LRRC41: variants seen among roughly 807,000 people sequenced by gnomAD.
LRRC41 encodes leucine-rich repeat-containing protein 41.
In LRRC41, 17 loss-of-function variants were observed where a neutral mutation model predicts 72.1. The ratio of observed to expected loss-of-function variants is 0.24; its 90% CI spans 0.16 to 0.35. The LOEUF is 0.35. Among genes scored for constraint, LRRC41 ranks in the 10% least tolerant of loss-of-function variants. The pLI is 1.00. For synonymous variants in LRRC41, 427 were observed against 431.0 expected, an observed-to-expected ratio of 0.99 and a Z score of 0.11; for missense variants, 759 against 1,065.0, an observed-to-expected ratio of 0.71 and a Z score of 4.00.
At chr1:46,301,170 A>G (rs1661214457) in intron 1 of LRRC41, among the ~76,000 whole-genome samples, 1 of 151,978 alleles carries the variant, frequency 6.6e-6, no homozygotes. Context: ...AGGAATTCTC[A>G]TCCCCAGTTA....
In LRRC41 at chr1:46,302,049, G is replaced by A; in HGVS notation, c.199+1075C>T. 2 of 985,142 alleles carry A rather than the reference G, an allele frequency of 2.0e-6. No homozygotes were observed. The highest frequency in any genetic ancestry group is 3.5e-5 in the African/African-American group (2 of 57,302). 61.0% of individuals were successfully genotyped at this position (985,142 alleles called of 1,614,324 possible). ...CGTCAGCGGCCAGGCCGCGGCCAGC[G>A]GTCCCCAACCCACAGCCCCGCCTCC... On this transcript the variant is annotated intron_variant, in intron 1 of 9. Transcript: ENST00000617190. The surrounding 1 kb of genome is among the most constrained non-coding windows in gnomAD (Gnocchi z 4.7).
chr1:46,303,290 A>G lies in LRRC41; in HGVS notation c.33T>C (p.Ser11=), dbSNP rs1017499402. 36 of 1,538,028 alleles carry G rather than the reference A, an allele frequency of 2.3e-5. No individual in the cohort carries two copies. In the African/African-American group the frequency reaches 3.8e-4, roughly 16 times the overall value. Residue 11 remains serine, a synonymous_variant, in exon 1 of 10, where the codon AGT becomes AGC. Coordinates refer to ENST00000617190, the MANE Select transcript of LRRC41 (RefSeq NM_006369.5). MAAPEAWRAR[S]CWFCEVAAAT... is the part of the protein sequence containing the mutation. ...CCGCCGCTACCTCACAGAACCAGCA[A>G]CTCCGGGCGCGCCAGGCCTCGGGCG... is the stretch of plus-strand genomic sequence containing the variant.
chr1:46,279,383 A>T lies in LRRC41; in HGVS notation c.2143+109T>A. 1 of 1,587,424 alleles carries T rather than the reference A, an allele frequency of 6.3e-7. No individual in the cohort carries two copies. Among genetic ancestry groups the T allele is most frequent in the Non-Finnish European group, 8.6e-7 (1 of 1,156,126 alleles). On this transcript the variant is annotated intron_variant, in intron 8 of 9. Coordinates refer to ENST00000617190, the MANE Select transcript of LRRC41 (RefSeq NM_006369.5). The surrounding 1 kb of genome is among the most constrained non-coding windows in gnomAD (Gnocchi z 4.5). ...GAAGCCCCAGCACAGAAATATCTGT[A>T]TTCCAACTCCCACGTTCCCAGTGGA...
Position 46,279,666 on chromosome 1 carries a change from G to A in LRRC41, c.2021-52C>T, listed in dbSNP as rs551604709. 3 of 1,609,618 alleles carry A rather than the reference G, an allele frequency of 1.9e-6. No homozygotes were observed. The East Asian group carries it at 6.7e-5, about 36-fold the overall frequency. On this transcript the variant is annotated intron_variant, in intron 7 of 9. Coordinates refer to ENST00000617190, the MANE Select transcript of LRRC41 (RefSeq NM_006369.5). This position sits in a 1 kb window ranked among gnomAD's most constrained non-coding sequence, Gnocchi z 4.5. ...TGATGGCTGCATTAGGACTGGTGCT[G>A]CCCCTCCTGCCCCAGTTGGCCCTAG... is the stretch of plus-strand genomic sequence containing the variant.
intron 4 of LRRC41, among the ~76,000 whole-genome samples, chr1:46,283,302 G>C (rs2148314453): frequency 6.6e-6 from 1 of 152,262 alleles, no homozygotes; most frequent in East Asian, 1.9e-4. Context: ...TGTGGAGATA[G>C]AGAAATAAAT....
intron 4 of LRRC41, among the ~76,000 whole-genome samples, chr1:46,281,638 T>TA (rs1270123480): frequency 6.6e-6 from 1 of 152,180 alleles, no homozygotes; most frequent in Admixed American, 6.5e-5. Context: ...ATTGAGAAGA[T>TA]ACAATATGGT....
chr1:46,285,899 T>C lies in LRRC41; in HGVS notation c.958A>G (p.Thr320Ala), dbSNP rs933533799. ...TGTGTGCTCCGGCGTGTTACCCGAG[T>C]GGCAGGTGCAGCTCTGGGCATCTGC... ...AKQMPRAAPA[T>A]RVTRRSTQES... The change falls in exon 4 of 10, where the codon ACT (threonine) becomes GCT (alanine). Residue 320 changes from threonine (T) to alanine (A), a missense_variant. Physicochemically the swap from Thr to Ala is moderately conservative, Grantham distance 58. Around this residue, in one of 4 missense-constraint regions of LRRC41, gnomAD observed 427 missense variants for 520.9 expected, o/e 0.82. Coordinates refer to ENST00000617190, the MANE Select transcript of LRRC41 (RefSeq NM_006369.5). The surrounding 1 kb of genome is among the most constrained non-coding windows in gnomAD (Gnocchi z 5.3). The C allele has an allele frequency of 6.5e-7, 1 of 1,548,804 alleles. No individual in the cohort carries two copies. The highest frequency in any genetic ancestry group is 1.4e-5 in the African/African-American group (1 of 72,642).
chr1:46,278,568 C>T lies in LRRC41; in HGVS notation c.*297G>A, dbSNP rs1285965199. The T allele has an allele frequency of 1.6e-5, 10 of 608,994 alleles. No individual in the cohort carries two copies. The highest frequency in any genetic ancestry group is 8.9e-5 in the Admixed American group (3 of 33,860). 37.7% of individuals were successfully genotyped at this position (608,994 alleles called of 1,614,324 possible). A position where few individuals can be genotyped will look rare whatever the true frequency, so the allele number is the denominator to read the frequency against. ...CCTGCTTGAGGAGGGAAGGCAGGAA[C>T]CCAGGGGCAGGGGAGGGGATCTCTT... On this transcript the variant is annotated 3_prime_UTR_variant, in exon 10 of 10. Coordinates refer to ENST00000617190, the MANE Select transcript of LRRC41 (RefSeq NM_006369.5).
chr1:46,289,467 T>G (rs1660958978), intron 3 of LRRC41, among the ~76,000 whole-genome samples: 1 of 152,040 alleles, frequency 6.6e-6, no homozygotes, highest in Non-Finnish European at 1.5e-5. Flanking sequence ...ATCACCACTC[T>G]TAAGAATCTA....
Position 46,279,110 on chromosome 1 carries a change from T to C in LRRC41, c.2220-26A>G, listed in dbSNP as rs1274778510. On this transcript the variant is annotated intron_variant, in intron 9 of 9. Transcript: ENST00000617190. This position sits in a 1 kb window ranked among gnomAD's most constrained non-coding sequence, Gnocchi z 4.5. ...CTGGTAGGGTGAGATGGATTAGATA[T>C]CCAGGAAGCAGTGAATTCCTGGTCT... 5 of 1,608,906 alleles carry C rather than the reference T, an allele frequency of 3.1e-6. No homozygotes were observed. The African/African-American group carries it at 5.3e-5, about 17-fold the overall frequency.
intron 3 of LRRC41, among the ~76,000 whole-genome samples, chr1:46,296,260 C>T (rs1661124301): frequency 6.6e-6 from 1 of 151,992 alleles, no homozygotes; most frequent in African/African-American, 2.4e-5. Flanking sequence ...ATTAAAAATA[C>T]AAAAAAATTA....
rs28910278 is a variant in LRRC41 at position 46,278,251 on chromosome 1, G to A, written c.*614C>T. The A allele has an allele frequency of 4.3e-3, 6,921 of 1,613,704 alleles. 41 individuals carry two copies. Among genetic ancestry groups the A allele is most frequent in the Non-Finnish European group, 4.4e-3 (5,245 of 1,179,876 alleles). ...GCCATCACCTTCGTCTTCCACCAGCGTTCTCATGAGGAGCAGCGGGGCCTC... is the reference window on the plus strand; with the variant it reads ...GCCATCACCTTCGTCTTCCACCAGCATTCTCATGAGGAGCAGCGGGGCCTC... On this transcript the variant is annotated 3_prime_UTR_variant, in exon 10 of 10. Coordinates refer to ENST00000617190, the MANE Select transcript of LRRC41 (RefSeq NM_006369.5).
intron 4 of LRRC41, among the ~76,000 whole-genome samples, chr1:46,283,819 TCAC>T (rs1274106513): frequency 6.6e-6 from 1 of 151,684 alleles, no homozygotes; most frequent in African/African-American, 2.4e-5. Context: ...GCGCCCACCA[TCAC>T]GCCTGGCTAA....
Position 46,289,690 on chromosome 1 carries a change from G to A in LRRC41, c.358-3191C>T, listed in dbSNP as rs563080991. Among the ~76,000 whole-genome samples the A allele has an allele frequency of 4.6e-5, 7 of 152,286 alleles. No individual in the cohort carries two copies. The South Asian group carries it at 1.2e-3, about 27-fold the overall frequency. ...GCAGGAGAATGGCGTGAACCCGGGA[G>A]GCGGAGCTTGCAGTGAGCTGAGATC... On this transcript the variant is annotated intron_variant, in intron 3 of 9. Transcript: ENST00000617190.
At chr1:46,290,497 T>G (rs1660984622) in intron 3 of LRRC41, among the ~76,000 whole-genome samples, 2 of 152,246 alleles carry the variant, frequency 1.3e-5, no homozygotes, top group Admixed American at 1.3e-4. Flanking sequence ...CTGAACAGTT[T>G]CAAATGCTGG....
rs1037036806 is a variant in LRRC41, at chr1:46,302,551, T to A, written c.199+573A>T. The stretch of plus-strand genomic sequence containing the variant: ...GACCCTTTCGTTCGGCCTCTCCCCC[T>A]GCCCCATTCCCTCGCTCTCCAATCT... On this transcript the variant is annotated intron_variant, in intron 1 of 9. Transcript: ENST00000617190. This position sits in a 1 kb window ranked among gnomAD's most constrained non-coding sequence, Gnocchi z 4.7. 1 of 983,840 alleles carries A rather than the reference T, an allele frequency of 1.0e-6. No individual in the cohort carries two copies. Among genetic ancestry groups the A allele is most frequent in the Admixed American group, 6.2e-5 (1 of 16,200 alleles). 60.9% of individuals were successfully genotyped at this position (983,840 alleles called of 1,614,324 possible).
In LRRC41 at chr1:46,280,284, T is replaced by C. The variant is rs369326799; in HGVS notation, c.1928A>G (p.Asn643Ser). 2.8e-5 allele frequency: 45 copies of C among 1,614,030 alleles called. No homozygotes were observed. In the South Asian group the frequency reaches 2.9e-4, roughly 10 times the overall value. The change falls in exon 7 of 10, where the codon AAC becomes AGC. Residue 643 changes from asparagine to serine, a missense_variant. By Grantham distance (46) the Asn-to-Ser change is conservative (BLOSUM62 1). Around this residue, in one of 4 missense-constraint regions of LRRC41, gnomAD observed 110 missense variants for 227.0 expected, o/e 0.48. Transcript: ENST00000617190. ...GAAGCTCAGTCTTTTCAGGGCTAGGTTGTACTCTGGATAGGAGGCAGAGAC... is the reference window on the plus strand; with the variant it reads ...GAAGCTCAGTCTTTTCAGGGCTAGGCTGTACTCTGGATAGGAGGCAGAGAC... Reference protein sequence around the residue: ...GLVLQTLKEYNLALKRLSFHD... With the variant: ...GLVLQTLKEYSLALKRLSFHD...
At chr1:46,282,418 C>A (rs530195558) in intron 4 of LRRC41, among the ~76,000 whole-genome samples, 29 of 152,304 alleles carry the variant, frequency 1.9e-4, no homozygotes, top group African/African-American at 7.0e-4. Context: ...TTCATTCATT[C>A]AACTACCCAG....
intron 2 of LRRC41, among the ~76,000 whole-genome samples, chr1:46,297,972 TA>T (rs1661156784): frequency 6.6e-6 from 1 of 152,190 alleles, no homozygotes; most frequent in Non-Finnish European, 1.5e-5. Flanking sequence ...TGTTACCTGT[TA>T]ACAGATGTGT....
Sources: gnomAD v4.1 joint callset for allele counts (sites outside exome capture counted in the v4.1 genomes callset) on GRCh38, gnomAD v4.1.1 for gene constraint, gnomAD v4.1.1 regional missense constraint, Gnocchi (gnomAD v3.1) non-coding constraint, MANE v1.5 for transcripts, NCBI Gene and HGNC (gene_info 2026-07-23, HGNC 2026-07-21) for gene names.